CACNA1E: variants seen among roughly 807,000 people sequenced by gnomAD.
CACNA1E encodes the protein calcium voltage-gated channel subunit alpha1 E, also known as voltage-dependent R-type calcium channel subunit alpha-1E.
In CACNA1E, 40 loss-of-function variants were observed where a neutral mutation model predicts 259.2. The ratio of observed to expected loss-of-function variants is 0.15; its 90% CI spans 0.12 to 0.20. The LOEUF (loss-of-function observed/expected upper bound fraction) is 0.20. CACNA1E is among the 10% of genes least tolerant of loss of function. CACNA1E has a pLI of 1.00. For synonymous variants in CACNA1E, 1,104 were observed against 1,138.5 expected (o/e 0.97, Z 0.61); for missense variants, 1,874 against 3,040.1 (o/e 0.62, Z 9.02).
At chr1:181,488,139 G>A (rs1438556105) in intron 1 of CACNA1E, among the ~76,000 whole-genome samples, 4 of 152,186 alleles carry the variant, frequency 2.6e-5, no homozygotes, top group East Asian at 1.9e-4. Context: ...GAGGATTTTG[G>A]TGAGGGTTAC....
chr1:181,645,260 C>A (rs765713974), intron 6 of CACNA1E, among the ~76,000 whole-genome samples: 2 of 152,072 alleles, frequency 1.3e-5, no homozygotes, highest in East Asian at 1.9e-4. Context: ...TAGGAAGGGA[C>A]GTGAGGAAGA....
At chr1:181,556,068 T>C (rs1463020517) in intron 3 of CACNA1E, among the ~76,000 whole-genome samples, 1 of 152,250 alleles carries the variant, frequency 6.6e-6, no homozygotes, top group African/African-American at 2.4e-5. Context: ...TCCTTTGTTG[T>C]GCCAGTGGTG....
intron 25 of CACNA1E, 82 bp from the exon 26 acceptor site, chr1:181,750,394 C>CT: frequency 1.6e-6 from 2 of 1,241,404 alleles, no homozygotes; most frequent in Non-Finnish European, 2.3e-6. Flanking sequence ...TTCTGACTGT[C>CT]TTTCTTCTCT....
chr1:181,502,978 C>T (rs866268176), intron 1 of CACNA1E, among the ~76,000 whole-genome samples: 4 of 152,204 alleles, frequency 2.6e-5, no homozygotes, highest in African/African-American at 7.2e-5. Context: ...GGATTGCAGG[C>T]GTGAGCCACT....
chr1:181,623,723 A>G (rs928828307), intron 6 of CACNA1E, among the ~76,000 whole-genome samples: 1 of 152,216 alleles, frequency 6.6e-6, no homozygotes, highest in Non-Finnish European at 1.5e-5. Flanking sequence ...ATCGTGTCAA[A>G]AAAACATATC....
At chr1:181,671,029 CATTT>C (rs1285889020) in intron 7 of CACNA1E, among the ~76,000 whole-genome samples, 1 of 152,126 alleles carries the variant, frequency 6.6e-6, no homozygotes, top group Admixed American at 6.5e-5. Flanking sequence ...AACATTTATT[CATTT>C]ATTATTATTG....
At chr1:181,742,134 G>A (rs1656637979) in intron 25 of CACNA1E, among the ~76,000 whole-genome samples, 2 of 152,140 alleles carry the variant, frequency 1.3e-5, no homozygotes, top group African/African-American at 4.8e-5. Flanking sequence ...TCCAGGTAAT[G>A]CTTTCTCTCA....
chr1:181,569,560 GAAAT>G (rs1235680727), intron 3 of CACNA1E, among the ~76,000 whole-genome samples: 1 of 152,194 alleles, frequency 6.6e-6, no homozygotes, highest in Non-Finnish European at 1.5e-5. Context: ...TAATTTAAAA[GAAAT>G]AGAGAGCAAA....
At chr1:181,575,838 A>G (rs1650914826) in intron 3 of CACNA1E, among the ~76,000 whole-genome samples, 1 of 152,104 alleles carries the variant, frequency 6.6e-6, no homozygotes, top group Non-Finnish European at 1.5e-5. Flanking sequence ...CAGCCAAACA[A>G]TGATTCCTTC....
rs1661991028 is a variant in CACNA1E at position 181,798,348 on chromosome 1, A to G, written c.6456A>G (p.Pro2152=). ...SIPSVSDTST[P]RRSRRQLPPV... ...CCTCTGTCTCTGACACCAGCACCCC[A>G]AGAAGAAGTCGTCGGCAGCTCCCAC... Residue 2152 remains proline, a synonymous_variant, in exon 48 of 48, where the codon CCA becomes CCG. Coordinates refer to ENST00000367573, the MANE Select transcript of CACNA1E (RefSeq NM_001205293.3). This position sits in a 1 kb window ranked among gnomAD's most constrained non-coding sequence, Gnocchi z 4.2. 6.2e-7 allele frequency: 1 copy of G among 1,610,038 alleles called. No individual in the cohort carries two copies. The highest frequency in any genetic ancestry group is 8.5e-7 in the Non-Finnish European group (1 of 1,179,006).
intron 27 of CACNA1E, among the ~76,000 whole-genome samples, chr1:181,753,699 G>A (rs1321185097): frequency 6.6e-6 from 1 of 152,114 alleles, no homozygotes; most frequent in Non-Finnish European, 1.5e-5. Flanking sequence ...ACTTCCTATT[G>A]AATTCTCATC....
intron 1 of CACNA1E, among the ~76,000 whole-genome samples, chr1:181,499,757 C>T (rs1353899521): frequency 6.6e-6 from 1 of 152,202 alleles, no homozygotes; most frequent in African/African-American, 2.4e-5. Flanking sequence ...CCCCTGTATT[C>T]TTAATTTTGA....
At chr1:181,629,098 C>T (rs1656465074) in intron 6 of CACNA1E, among the ~76,000 whole-genome samples, 1 of 152,116 alleles carries the variant, frequency 6.6e-6, no homozygotes, top group African/African-American at 2.4e-5. Flanking sequence ...GGGAGGGCTT[C>T]CCAGGGCAGG....
intron 8 of CACNA1E, among the ~76,000 whole-genome samples, chr1:181,714,000 C>G (rs1653647044): frequency 6.6e-6 from 1 of 152,152 alleles, no homozygotes; most frequent in South Asian, 2.1e-4. Context: ...TCATCATCAA[C>G]CAGTCCTTCA....
chr1:181,732,374 C>G lies in CACNA1E; in HGVS notation c.2298-10C>G, dbSNP rs774158531. On this transcript the variant is annotated splice_polypyrimidine_tract_variant and intron_variant, in intron 19 of 47. Coordinates refer to ENST00000367573, the MANE Select transcript of CACNA1E (RefSeq NM_001205293.3). The surrounding 1 kb of genome is among the most constrained non-coding windows in gnomAD (Gnocchi z 5.5). ...GCTCTGACCGCGGCCCTGCCCTTTC[C>G]CCTTGGCAGGAGGGAGCGGAGGCGC... 2.7e-6 allele frequency: 4 copies of G among 1,503,874 alleles called. No individual in the cohort carries two copies. The African/African-American group carries it at 4.2e-5, about 16-fold the overall frequency. The allele number at this position is 1,503,874 out of a possible 1,614,324, so 93.2% of individuals were successfully genotyped here.
chr1:181,757,855 TCACCG>T, intron 30 of CACNA1E, 87 bp from the exon 31 acceptor site: 1 of 1,404,472 alleles, frequency 7.1e-7, no homozygotes, highest in South Asian at 1.3e-5. Flanking sequence ...TTTTTCCCAT[TCACCG>T]TCCTCCTCTT....
chr1:181,726,956 C>T (rs550299689), intron 18 of CACNA1E, among the ~76,000 whole-genome samples: 19 of 152,160 alleles, frequency 1.2e-4, no homozygotes, highest in Middle Eastern at 3.4e-3. Context: ...AGGGAAGAAA[C>T]AAAAATCGAT....
chr1:181,602,215 A>G (rs1383765509), intron 6 of CACNA1E, among the ~76,000 whole-genome samples: 1 of 152,218 alleles, frequency 6.6e-6, no homozygotes, highest in Non-Finnish European at 1.5e-5. Context: ...CCACTAGAGT[A>G]CAAGCTTCAT....
rs192761748 is a variant in CACNA1E at position 181,574,271 on chromosome 1, C to T, written c.513-3495C>T. ...ATGTAACAAACCTGCACATTCTGCA[C>T]ATGTAACTCAGAATTTAAAATTTTT... On this transcript the variant is annotated intron_variant, in intron 3 of 47. Transcript: ENST00000367573. 1.3e-3 allele frequency among the ~76,000 whole-genome samples: 194 copies of T among 152,238 alleles called. 2 individuals carry two copies. The highest frequency in any genetic ancestry group is 4.5e-3 in the African/African-American group (185 of 41,550).
Sources: gnomAD v4.1 joint callset for allele counts (sites outside exome capture counted in the v4.1 genomes callset) on GRCh38, gnomAD v4.1.1 for gene constraint, Gnocchi (gnomAD v3.1) non-coding constraint, MANE v1.5 for transcripts, NCBI Gene and HGNC (gene_info 2026-07-23, HGNC 2026-07-21) for gene names.